The following C1QBP variants were observed in gnomAD, a reference collection of about 807,000 sequenced individuals.
C1QBP encodes complement C1q binding protein.
C1QBP carries 24 observed loss-of-function variants against 29.4 expected under a neutral mutation model. The ratio of observed to expected loss-of-function variants is 0.82; its 90% CI spans 0.59 to 1.15. C1QBP has a LOEUF of 1.15. Ranked by LOEUF, C1QBP falls within the 50% of genes most tolerant of loss-of-function variation. The pLI, the probability that C1QBP is intolerant of heterozygous loss-of-function variation, is 0.00. For missense variants in C1QBP, 337 were observed against 355.8 expected, an observed-to-expected ratio of 0.95 and a Z score of 0.43; for synonymous variants, 182 against 149.2, an observed-to-expected ratio of 1.22 and a Z score of -1.60.
At chr17:5,435,183 T>C (rs1393259224) in intron 2 of C1QBP, among the ~76,000 whole-genome samples, 2 of 152,188 alleles carry the variant, frequency 1.3e-5, no homozygotes, top group African/African-American at 2.4e-5. Context: ...GTGCCTACCA[T>C]GTACCAGCTG....
chr17:5,438,361 GGACTGTTTC>G, intron 1 of C1QBP, 88 bp from the exon 2 acceptor site: 1 of 1,459,200 alleles, frequency 6.9e-7, no homozygotes. Context: ...CCAGAAACCT[GGACTGTTTC>G]TAATCTCTCT....
intron 1 of C1QBP, 62 bp downstream of exon 1, chr17:5,438,780 T>C: frequency 1.3e-6 from 2 of 1,544,582 alleles, no homozygotes; most frequent in African/African-American, 1.4e-5. Context: ...GCAGGCCCTA[T>C]TCCTGGTCTA....
chr17:5,433,185 T>G lies in C1QBP; in HGVS notation c.700-21A>C, dbSNP rs368197133. The G allele has an allele frequency of 1.9e-6, 3 of 1,607,588 alleles. No homozygotes were observed. In the African/African-American group the frequency reaches 4.0e-5, roughly 22 times the overall value. The stretch of plus-strand genomic sequence containing the variant: ...AAGGCCTGCAAAGAACAATATTTAC[T>G]AGTTAAAAAAAAATCTGTAATGAAC... On this transcript the variant is annotated intron_variant, in intron 5 of 5. Coordinates refer to ENST00000225698, the MANE Select transcript of C1QBP (RefSeq NM_001212.4).
chr17:5,438,882 G>T lies in C1QBP; in HGVS notation c.192C>A (p.Pro64=). The part of the protein sequence containing the change: ...RRPGLLRPRG[P]CACGCGCGSL... ...AGCCGCAGCCACAGCCACAGGCGCA[G>T]GGTCCGCGAGGCCGCAGGAGGCCCG... Residue 64 remains proline (P), a synonymous_variant, in exon 1 of 6, where the codon CCC becomes CCA. Coordinates refer to ENST00000225698, the MANE Select transcript of C1QBP (RefSeq NM_001212.4). The T allele has an allele frequency of 6.5e-7, 1 of 1,543,060 alleles. No individual in the cohort carries two copies. The highest frequency in any genetic ancestry group is 8.7e-7 in the Non-Finnish European group (1 of 1,144,384).
intron 3 of C1QBP, among the ~76,000 whole-genome samples, chr17:5,434,330 C>T (rs1481034754): frequency 6.6e-6 from 1 of 152,198 alleles, no homozygotes; most frequent in African/African-American, 2.4e-5. Context: ...ACTGATGGCT[C>T]TTGGGCAGAA....
Position 5,438,887 on chromosome 17 carries a change from C to G in C1QBP, c.187G>C (p.Gly63Arg), listed in dbSNP as rs1240482865. Residue 63 changes from glycine (G) to arginine (R), a missense_variant, in exon 1 of 6, where the codon GGA becomes CGA. Coordinates refer to ENST00000225698, the MANE Select transcript of C1QBP (RefSeq NM_001212.4). ...CAGCCACAGCCACAGGCGCAGGGTC[C>G]GCGAGGCCGCAGGAGGCCCGGCCGC... is the stretch of plus-strand genomic sequence containing the variant. The part of the protein sequence containing the change: ...ERRPGLLRPR[G>R]PCACGCGCGS... The G allele has an allele frequency of 1.9e-6, 3 of 1,542,222 alleles. No individual in the cohort carries two copies. Among genetic ancestry groups the G allele is most frequent in the African/African-American group, 1.4e-5 (1 of 72,088 alleles).
chr17:5,437,461 C>T (rs1175827579), intron 2 of C1QBP, among the ~76,000 whole-genome samples: 3 of 152,150 alleles, frequency 2.0e-5, no homozygotes, highest in African/African-American at 4.8e-5. Flanking sequence ...CTCAGCCTCC[C>T]GAGTAGCTGG....
intron 2 of C1QBP, among the ~76,000 whole-genome samples, chr17:5,435,626 A>G (rs907053108): frequency 2.0e-5 from 3 of 152,142 alleles, no homozygotes; most frequent in Non-Finnish European, 2.9e-5. Flanking sequence ...AGGTGCAAGA[A>G]TCCACACCTG....
At position 5,433,364 on chromosome 17, in the gene C1QBP, T is replaced by G. The variant is rs1056539565; in HGVS notation, c.628A>C (p.Ser210Arg). The change falls in exon 5 of 6, where the codon AGC (serine) becomes CGC (arginine). Residue 210 changes from serine (S) to arginine (R), a missense_variant. Coordinates refer to ENST00000225698, the MANE Select transcript of C1QBP (RefSeq NM_001212.4). ...TCAGACTCGCCAGTGGACTGAAAGC[T>G]AACTTCCCTGATAGAGAAGATGTCA... ...ESDIFSIREVSFQSTGESEWK... is the reference protein window; with the variant it reads ...ESDIFSIREVRFQSTGESEWK... The G allele has an allele frequency of 6.2e-7, 1 of 1,614,178 alleles. No homozygotes were observed. The highest frequency in any genetic ancestry group is 8.5e-7 in the Non-Finnish European group (1 of 1,180,008).
Position 5,433,383 on chromosome 17 carries a change from G to A in C1QBP, c.609C>T (p.Ile203=), listed in dbSNP as rs1365976477. ...VGQEDEAESD[I]FSIREVSFQS... is the part of the protein sequence containing the mutation. ...GAAAGCTAACTTCCCTGATAGAGAA[G>A]ATGTCACTCTCAGCCTCGTCTTCTT... Residue 203 remains isoleucine (I), a synonymous_variant, in exon 5 of 6, where the codon ATC becomes ATT. Transcript: ENST00000225698. 2 of 1,614,092 alleles carry A rather than the reference G, an allele frequency of 1.2e-6. No homozygotes were observed. The highest frequency in any genetic ancestry group is 1.7e-5 in the Admixed American group (1 of 60,018).
intron 1 of C1QBP, 78 bp downstream of exon 1, chr17:5,438,764 T>C (rs576952131): frequency 1.3e-6 from 2 of 1,542,592 alleles, no homozygotes; most frequent in African/African-American, 1.4e-5. Context: ...ACCTCAGAGG[T>C]CGGTTGCAGG....
Position 5,438,155 on chromosome 17 carries a change from TTC to T in C1QBP, c.349_350del (p.Glu117SerfsTer19). ...CGGCAACTTTCCGCACTAATTTCGC[TTC>T]TGTCCCATTCAGTTCCAGCTCCCAA... ...GGWELELNGTEAKLVRKVAGE... is the reference protein window; with the variant it reads ...GGWELELNGTXAKLVRKVAGE... On this transcript the variant is annotated frameshift_variant, in exon 2 of 6. Coordinates refer to ENST00000225698, the MANE Select transcript of C1QBP (RefSeq NM_001212.4). LOFTEE classifies it high-confidence loss of function. 3 of 1,612,874 alleles carry T rather than the reference TTC, an allele frequency of 1.9e-6. No homozygotes were observed. The highest frequency in any genetic ancestry group is 2.5e-6 in the Non-Finnish European group (3 of 1,180,034).
rs946218360 is a variant in C1QBP, at chr17:5,438,955, G to C, written c.119C>G (p.Thr40Ser). Residue 40 changes from threonine to serine, a missense_variant, in exon 1 of 6, where the codon ACC (threonine) becomes AGC (serine). By Grantham distance (58) the Thr-to-Ser change is moderately conservative. Coordinates refer to ENST00000225698, the MANE Select transcript of C1QBP (RefSeq NM_001212.4). ...CACGCTGAGCAGCCCGAAGGGCCGG[G>C]TGCACAGCCGGGGTGCCGGCTGCAG... ...QLLQPAPRLCTRPFGLLSVRA... is the reference protein window; with the variant it reads ...QLLQPAPRLCSRPFGLLSVRA... 1 of 1,509,848 alleles carries C rather than the reference G, an allele frequency of 6.6e-7. No individual in the cohort carries two copies. Among genetic ancestry groups the C allele is most frequent in the Non-Finnish European group, 8.8e-7 (1 of 1,131,368 alleles). The allele number at this position is 1,509,848 out of a possible 1,614,324, so 93.5% of individuals were successfully genotyped here.
Position 5,438,936 on chromosome 17 carries a change from G to A in C1QBP, c.138C>T (p.Leu46=). ...PRLCTRPFGL[L]SVRAGSERRP... Reference sequence around the variant, plus strand: ...GCCGCTCGGAACCTGCGCGCACGCTGAGCAGCCCGAAGGGCCGGGTGCACA... The same window carrying A: ...GCCGCTCGGAACCTGCGCGCACGCTAAGCAGCCCGAAGGGCCGGGTGCACA... The change falls in exon 1 of 6, where the codon CTC becomes CTT. Residue 46 remains leucine (L), a synonymous_variant. Transcript: ENST00000225698. 2.0e-6 allele frequency: 3 copies of A among 1,530,356 alleles called. No homozygotes were observed. The highest frequency in any genetic ancestry group is 2.8e-5 in the African/African-American group (2 of 70,454). The allele number at this position is 1,530,356 out of a possible 1,614,324, so 94.8% of individuals were successfully genotyped here.
At position 5,438,938 on chromosome 17, in the gene C1QBP, G is replaced by A. The variant is rs1302155979; in HGVS notation, c.136C>T (p.Leu46Phe). ...CGCTCGGAACCTGCGCGCACGCTGA[G>A]CAGCCCGAAGGGCCGGGTGCACAGC... Reference protein sequence around the residue: ...PRLCTRPFGLLSVRAGSERRP... With the variant: ...PRLCTRPFGLFSVRAGSERRP... Residue 46 changes from leucine to phenylalanine, a missense_variant, in exon 1 of 6, where the codon CTC (leucine) becomes TTC (phenylalanine). Coordinates refer to ENST00000225698, the MANE Select transcript of C1QBP (RefSeq NM_001212.4). The A allele has an allele frequency of 6.5e-7, 1 of 1,529,896 alleles. No homozygotes were observed. The highest frequency in any genetic ancestry group is 2.0e-5 in the Admixed American group (1 of 49,346). The allele number at this position is 1,529,896 out of a possible 1,614,324, so 94.8% of individuals were successfully genotyped here. A position where few individuals can be genotyped will look rare whatever the true frequency, so the allele number is the denominator to read the frequency against.
intron 1 of C1QBP, 168 bp downstream of exon 1, chr17:5,438,674 G>C: frequency 1.4e-6 from 2 of 1,406,856 alleles, no homozygotes; most frequent in South Asian, 1.3e-5. Context: ...AAACGAAACT[G>C]CTGGATAGGG....
intron 2 of C1QBP, among the ~76,000 whole-genome samples, chr17:5,436,843 C>T (rs1243640242): frequency 6.6e-6 from 1 of 152,134 alleles, no homozygotes; most frequent in Non-Finnish European, 1.5e-5. Flanking sequence ...CACGGTGAAA[C>T]CCTGTCTCTA....
At chr17:5,438,435 G>T (rs370490818) in intron 1 of C1QBP, 162 bp from the exon 2 acceptor site, 1 of 902,082 alleles carries the variant, frequency 1.1e-6, no homozygotes, top group Non-Finnish European at 1.6e-6. Flanking sequence ...TACCATAATA[G>T]TAGTAGGAAG....
At chr17:5,437,177 T>A (rs1260215330) in intron 2 of C1QBP, among the ~76,000 whole-genome samples, 1 of 152,204 alleles carries the variant, frequency 6.6e-6, no homozygotes, top group Non-Finnish European at 1.5e-5. Context: ...TAGAATTAGG[T>A]AGTGATAACT....
Sources: allele counts gnomAD v4.1 joint callset (sites outside exome capture counted in the v4.1 genomes callset), GRCh38; gene constraint gnomAD v4.1.1; transcripts MANE v1.5; gene names NCBI Gene and HGNC (gene_info 2026-07-23, HGNC 2026-07-21).